The following TJP1 variants were observed in gnomAD, a reference collection of about 807,000 sequenced individuals.
The protein encoded by TJP1 is tight junction protein 1.
TJP1 carries 43 observed loss-of-function variants against 194.2 expected under a neutral mutation model. That is an observed-to-expected ratio of 0.22 (90% CI 0.17 to 0.29). The LOEUF is 0.29. Ranked by LOEUF, TJP1 falls within the 10% of genes least tolerant of loss-of-function variation. The pLI is 1.00. For synonymous variants in TJP1, 801 were observed against 779.0 expected (o/e 1.03, Z -0.47); for missense variants, 1,971 against 2,185.7 (o/e 0.90, Z 1.96).
chr15:29,771,980 T>C (rs2046717217), intron 4 of TJP1, 84 bp downstream of exon 4: 2 of 852,914 alleles, frequency 2.3e-6, no homozygotes, highest in South Asian at 1.9e-5. Context: ...TTTCCTTAAA[T>C]GGGAAGGATA....
chr15:29,748,159 C>T (rs45543434), intron 8 of TJP1, among the ~76,000 whole-genome samples: 95 of 152,120 alleles, frequency 6.2e-4, no homozygotes, highest in Middle Eastern at 3.4e-3. Flanking sequence ...TAAAATAAGG[C>T]GAAATCAATT....
At position 29,720,388 on chromosome 15, in the gene TJP1, G is replaced by A; in HGVS notation, c.2733C>T (p.Asp911=). The A allele has an allele frequency of 6.2e-7, 1 of 1,606,066 alleles. No homozygotes were observed. Among genetic ancestry groups the A allele is most frequent in the Non-Finnish European group, 8.5e-7 (1 of 1,175,762 alleles). The change falls in exon 19 of 28, where the codon GAC becomes GAT. Residue 911 remains aspartate (D), a synonymous_variant. Coordinates refer to ENST00000614355, the MANE Select transcript of TJP1 (RefSeq NM_001330239.4). The part of the protein sequence containing the change: ...QAQPQPIHRI[D]SPGFKPASQQ... ...GAGAGGCTGGCTTAAATCCAGGGGA[G>A]TCTATTCTATGAATTGGTTGTGGCT...
intron 1 of TJP1, among the ~76,000 whole-genome samples, chr15:29,806,454 C>G (rs2049117379): frequency 6.6e-6 from 1 of 152,146 alleles, no homozygotes; most frequent in Non-Finnish European, 1.5e-5. Context: ...AAGGAACACC[C>G]TTTCTTGATG....
rs2042765270 is a variant in TJP1 at position 29,719,005 on chromosome 15, A to G, written c.3137T>C (p.Val1046Ala). ...GAGGTCTCTGCTGGCTTGTTTCTCT[A>G]CGTATGGGAGTTGGGGTTCATAGGT... Reference protein sequence around the residue: ...NLTYEPQLPYVEKQASRDLEQ... With the variant: ...NLTYEPQLPYAEKQASRDLEQ... The change falls in exon 21 of 28, where the codon GTA becomes GCA. Residue 1046 changes from valine to alanine, a missense_variant. Transcript: ENST00000614355. 6.2e-6 allele frequency: 10 copies of G among 1,614,076 alleles called. No individual in the cohort carries two copies. The highest frequency in any genetic ancestry group is 7.6e-6 in the Non-Finnish European group (9 of 1,180,006).
rs75111059 is a variant in TJP1 at position 29,898,439 on chromosome 15, A to G, written c.306+57793T>C. Among the ~76,000 whole-genome samples, 177 of 152,352 alleles carry G rather than the reference A, an allele frequency of 1.2e-3. 1 individual carries two copies. The East Asian group carries it at 0.027, about 24-fold the overall frequency. Reference sequence around the variant, plus strand: ...GTGAAAATGAACGAATACAACAAACATTCAAATCATGGCAATAGAAAACAT... The same window carrying G: ...GTGAAAATGAACGAATACAACAAACGTTCAAATCATGGCAATAGAAAACAT... On this transcript the variant is annotated intron_variant, in intron 2 of 28. Transcript: ENST00000356107.
intron 2 of TJP1, among the ~76,000 whole-genome samples, chr15:29,873,018 T>A (rs929938316): frequency 1.4e-4 from 22 of 152,188 alleles, no homozygotes; most frequent in Non-Finnish European, 3.2e-4. Flanking sequence ...CCACAGAAAG[T>A]CATTTTTGGA....
chr15:29,949,238 T>A (rs1183903806), intron 2 of TJP1, among the ~76,000 whole-genome samples: 7 of 40,446 alleles, frequency 1.7e-4, no homozygotes, highest in African/African-American at 3.8e-4. Context: ...CACCACTACC[T>A]CCACCTTCAC....
intron 1 of TJP1, among the ~76,000 whole-genome samples, chr15:29,959,074 C>T (rs1184002928): frequency 6.6e-6 from 1 of 151,768 alleles, no homozygotes; most frequent in Non-Finnish European, 1.5e-5. Flanking sequence ...ACTGCAAGCT[C>T]CGTCTCCTGG....
At chr15:29,739,455 CT>C (rs1473377471) in intron 10 of TJP1, among the ~76,000 whole-genome samples, 1 of 151,890 alleles carries the variant, frequency 6.6e-6, no homozygotes, top group Non-Finnish European at 1.5e-5. Context: ...TTTCTTTTTT[CT>C]TTTTTGAGAT....
chr15:29,732,166 C>A (rs1291077112), intron 15 of TJP1: 3 of 421,326 alleles, frequency 7.1e-6, no homozygotes, highest in African/African-American at 2.0e-5. Context: ...TACCTCAGAG[C>A]ATGACTGGGA....
At chr15:29,881,890 T>C (rs1440082517) in intron 2 of TJP1, among the ~76,000 whole-genome samples, 1 of 151,976 alleles carries the variant, frequency 6.6e-6, no homozygotes, top group Non-Finnish European at 1.5e-5. Flanking sequence ...TGTTCAAGGA[T>C]GTTTATTTGC....
chr15:29,718,704 G>A lies in TJP1; in HGVS notation c.3438C>T (p.Tyr1146=), dbSNP rs377315401. The A allele has an allele frequency of 5.0e-6, 8 of 1,614,164 alleles. No individual in the cohort carries two copies. Among genetic ancestry groups the A allele is most frequent in the East Asian group, 4.5e-5 (2 of 44,870 alleles). Residue 1146 remains tyrosine, a synonymous_variant, in exon 21 of 28, where the codon TAC becomes TAT. Transcript: ENST00000614355. The stretch of plus-strand genomic sequence containing the variant: ...GGGCGGATGCTCTAGGTGCCTGTTC[G>A]TAACGTGGTCTGCTGTCGTAAGACA... ...APLSYDSRPR[Y]EQAPRASALR...
At chr15:29,831,356 C>T (rs1455893204) in intron 2 of TJP1, among the ~76,000 whole-genome samples, 3 of 152,174 alleles carry the variant, frequency 2.0e-5, no homozygotes, top group South Asian at 4.1e-4. Flanking sequence ...GCAAGACAAG[C>T]AAACATTTAT....
At chr15:29,750,829 A>G (rs187847161) in intron 8 of TJP1, among the ~76,000 whole-genome samples, 4 of 152,348 alleles carry the variant, frequency 2.6e-5, no homozygotes, top group Admixed American at 2.6e-4. Flanking sequence ...AGGCAAGAAC[A>G]CCACAGTTTA....
chr15:29,727,788 T>C (rs929316544), intron 16 of TJP1, 149 bp downstream of exon 16: 3 of 622,812 alleles, frequency 4.8e-6, no homozygotes, highest in Non-Finnish European at 8.5e-6. Context: ...AAAGTAATCA[T>C]TATAATGCTT....
In TJP1 at chr15:29,773,349, T is replaced by C. The variant is rs757834592; in HGVS notation, c.93A>G (p.Gly31=). 6.2e-7 allele frequency: 1 copy of C among 1,613,620 alleles called. No homozygotes were observed. Among genetic ancestry groups the C allele is most frequent in the Non-Finnish European group, 8.5e-7 (1 of 1,179,746 alleles). ...CAGATATTGCAATTCCAAATCCAAA[T>C]CCAGGAGCCTAAAGTAAAAATTACA... ...QHTVTLHRAP[G]FGFGIAISGG... The change falls in exon 3 of 28, where the codon GGA becomes GGG. Residue 31 remains glycine, a synonymous_variant. Coordinates refer to ENST00000614355, the MANE Select transcript of TJP1 (RefSeq NM_001330239.4).
intron 2 of TJP1, among the ~76,000 whole-genome samples, chr15:29,908,944 G>A (rs1353814111): frequency 6.6e-6 from 1 of 152,042 alleles, no homozygotes; most frequent in Non-Finnish European, 1.5e-5. Flanking sequence ...CACGAGATCA[G>A]GAGATCGAGA....
intron 2 of TJP1, among the ~76,000 whole-genome samples, chr15:29,832,826 C>T (rs945971260): frequency 6.6e-6 from 1 of 152,210 alleles, no homozygotes; most frequent in Non-Finnish European, 1.5e-5. Context: ...CCAGACACTA[C>T]GGAAACAGTC....
chr15:29,865,482 C>G (rs184333797), intron 2 of TJP1, among the ~76,000 whole-genome samples: 4 of 152,274 alleles, frequency 2.6e-5, no homozygotes, highest in African/African-American at 9.6e-5. Flanking sequence ...GGAAAGTTGC[C>G]ATATCTCTAA....
Sources: gnomAD v4.1 joint callset for allele counts (sites outside exome capture counted in the v4.1 genomes callset) on GRCh38, gnomAD v4.1.1 for gene constraint, MANE v1.5 for transcripts, NCBI Gene and HGNC (gene_info 2026-07-23, HGNC 2026-07-21) for gene names.